The following PRMT3 variants were observed in gnomAD, a reference collection of about 807,000 sequenced individuals.
The protein encoded by PRMT3 is protein arginine N-methyltransferase 3.
In PRMT3, 62 loss-of-function variants were observed where a neutral mutation model predicts 71.9. The observed-to-expected ratio is 0.86, with a 90% CI of 0.70 to 1.07. The LOEUF is 1.07. Ranked by LOEUF, PRMT3 falls within the 50% of genes least tolerant of loss-of-function variation. The probability of loss-of-function intolerance (pLI) is 0.00; values close to 1 mark genes in which losing one functional copy is unlikely to be tolerated. For synonymous variants in PRMT3, 213 were observed against 220.4 expected (o/e 0.97, Z 0.30); for missense variants, 663 against 643.0 (o/e 1.03, Z -0.34).
At chr11:20,471,069 G>GTT (rs948279250) in intron 13 of PRMT3, among the ~76,000 whole-genome samples, 1 of 150,178 alleles carries the variant, frequency 6.7e-6, no homozygotes, top group African/African-American at 2.4e-5. Context: ...CTTTTTAATG[G>GTT]TTTTTTTTCT....
chr11:20,423,046 T>C (rs1321772535), intron 9 of PRMT3, among the ~76,000 whole-genome samples: 1 of 152,186 alleles, frequency 6.6e-6, no homozygotes, highest in Admixed American at 6.5e-5. Context: ...AGTCTGGACT[T>C]CCTGATTCCC....
At chr11:20,475,509 C>A (rs1450805715) in intron 13 of PRMT3, among the ~76,000 whole-genome samples, 1 of 152,100 alleles carries the variant, frequency 6.6e-6, no homozygotes, top group East Asian at 1.9e-4. Context: ...CTTATGTGAC[C>A]ACCATTGTAT....
chr11:20,474,132 C>G (rs906122777), intron 13 of PRMT3, among the ~76,000 whole-genome samples: 1 of 152,148 alleles, frequency 6.6e-6, no homozygotes, highest in African/African-American at 2.4e-5. Context: ...GCTAGAGACC[C>G]CTTTTGGGAG....
intron 10 of PRMT3, among the ~76,000 whole-genome samples, chr11:20,430,872 C>G (rs1374399515): frequency 6.6e-6 from 1 of 152,072 alleles, no homozygotes; most frequent in Non-Finnish European, 1.5e-5. Context: ...AGTTTAATCC[C>G]TGGAAGATGT....
chr11:20,417,680 A>G (rs887523027), intron 9 of PRMT3, among the ~76,000 whole-genome samples: 1 of 152,136 alleles, frequency 6.6e-6, no homozygotes, highest in Non-Finnish European at 1.5e-5. Flanking sequence ...TTACCTCTAA[A>G]TATCCCCCAA....
chr11:20,444,652 T>G (rs1245599304), intron 10 of PRMT3, among the ~76,000 whole-genome samples: 1 of 152,182 alleles, frequency 6.6e-6, no homozygotes, highest in Non-Finnish European at 1.5e-5. Flanking sequence ...TTGTTCAGAC[T>G]TGCTTTATGG....
In PRMT3 at chr11:20,508,540, AAG is replaced by A. The variant is rs1225718248; in HGVS notation, c.*133_*134del. The A allele has an allele frequency of 9.6e-6, 7 of 729,444 alleles. No individual in the cohort carries two copies. The highest frequency in any genetic ancestry group is 1.8e-5 in the Non-Finnish European group (7 of 398,032). 45.2% of individuals were successfully genotyped at this position (729,444 alleles called of 1,614,324 possible). On this transcript the variant is annotated 3_prime_UTR_variant, in exon 16 of 16. Transcript: ENST00000331079. Reference sequence around the variant, plus strand: ...CCCTTTCCTAATGAGCCTCCTCAATAAGAGAGAAGTTCTCATTGTGGGAATCT... The same window carrying A: ...CCCTTTCCTAATGAGCCTCCTCAATAAGAGAAGTTCTCATTGTGGGAATCT...
intron 13 of PRMT3, among the ~76,000 whole-genome samples, chr11:20,477,537 C>G (rs1018846861): frequency 6.7e-6 from 1 of 149,866 alleles, no homozygotes; most frequent in Non-Finnish European, 1.5e-5. Context: ...GCCTGGGTGA[C>G]AGAGCAAGAT....
intron 13 of PRMT3, among the ~76,000 whole-genome samples, chr11:20,485,887 G>A (rs1851059844): frequency 1.3e-5 from 2 of 152,162 alleles, no homozygotes; most frequent in Non-Finnish European, 2.9e-5. Flanking sequence ...ATATCTAAGA[G>A]AAGTGAAAAC....
chr11:20,452,430 T>G (rs1054491372), intron 11 of PRMT3, among the ~76,000 whole-genome samples: 2 of 152,212 alleles, frequency 1.3e-5, no homozygotes, highest in African/African-American at 4.8e-5. Context: ...TCAAGAATGC[T>G]TTTATTAAAA....
intron 4 of PRMT3, among the ~76,000 whole-genome samples, chr11:20,392,641 CTGTTTAAATGAA>C (rs1848740720): frequency 7.9e-6 from 1 of 126,676 alleles, no homozygotes; most frequent in South Asian, 2.5e-4. Flanking sequence ...TTTTTTTGTC[CTGTTTAAATGAA>C]TGTTTAATGA....
At chr11:20,455,232 C>G (rs1029437709) in intron 11 of PRMT3, among the ~76,000 whole-genome samples, 1 of 152,010 alleles carries the variant, frequency 6.6e-6, no homozygotes, top group Non-Finnish European at 1.5e-5. Flanking sequence ...ATGTGCTAAC[C>G]GTGTCAAATA....
chr11:20,440,420 C>T (rs535543852), intron 10 of PRMT3, among the ~76,000 whole-genome samples: 65 of 142,200 alleles, frequency 4.6e-4, no homozygotes, highest in African/African-American at 8.0e-4. Context: ...CCAAGGCGGG[C>T]GAATCACGAG....
chr11:20,440,456 T>C (rs893946878), intron 10 of PRMT3, among the ~76,000 whole-genome samples: 20 of 117,374 alleles, frequency 1.7e-4, no homozygotes, highest in African/African-American at 4.2e-4. Flanking sequence ...CCATCCTGGC[T>C]AACACGGTGA....
intron 13 of PRMT3, 150 bp downstream of exon 13, chr11:20,464,696 T>C (rs182742316): frequency 5.6e-6 from 7 of 1,251,784 alleles, no homozygotes. Context: ...TGAACAGATC[T>C]GGTTAATAGG....
chr11:20,441,042 C>T (rs1237182168), intron 10 of PRMT3, among the ~76,000 whole-genome samples: 2 of 151,854 alleles, frequency 1.3e-5, no homozygotes, highest in Non-Finnish European at 2.9e-5. Flanking sequence ...CCCTAGTAGT[C>T]CTCAATATAA....
intron 15 of PRMT3, among the ~76,000 whole-genome samples, chr11:20,502,754 A>G (rs781548040): frequency 6.6e-6 from 1 of 152,298 alleles, no homozygotes; most frequent in Non-Finnish European, 1.5e-5. Context: ...TTTAACACTC[A>G]AAAGGCAATG....
intron 15 of PRMT3, among the ~76,000 whole-genome samples, chr11:20,495,039 CTTTT>C (rs1851300612): frequency 6.6e-6 from 1 of 151,664 alleles, no homozygotes; most frequent in African/African-American, 2.4e-5. Flanking sequence ...TTTGTTTTTT[CTTTT>C]TTGAGACGGA....
intron 9 of PRMT3, among the ~76,000 whole-genome samples, chr11:20,411,016 G>A (rs2133327948): frequency 6.6e-6 from 1 of 152,196 alleles, no homozygotes; most frequent in Admixed American, 6.5e-5. Context: ...TCGATACAAA[G>A]ATGTTTTTGA....
Sources: gnomAD v4.1 joint callset for allele counts (sites outside exome capture counted in the v4.1 genomes callset) on GRCh38, gnomAD v4.1.1 for gene constraint, MANE v1.5 for transcripts, NCBI Gene and HGNC (gene_info 2026-07-23, HGNC 2026-07-21) for gene names.